FBXO24: variants seen among roughly 807,000 people sequenced by gnomAD.
The protein encoded by FBXO24 is F-box only protein 24.
A neutral mutation model predicts 63.5 loss-of-function variants in FBXO24; 30 were observed. That is an observed-to-expected ratio of 0.47 (90% CI 0.35 to 0.64). The LOEUF (loss-of-function observed/expected upper bound fraction) is 0.64. FBXO24 is among the 30% of genes least tolerant of loss of function. The probability of loss-of-function intolerance (pLI) is 0.00; values close to 1 mark genes in which losing one functional copy is unlikely to be tolerated. For synonymous variants in FBXO24, 300 were observed against 305.0 expected (o/e 0.98, Z 0.17); for missense variants, 624 against 763.4 (o/e 0.82, Z 2.15).
intron 8 of FBXO24, chr7:100,599,766 C>T: frequency 2.2e-6 from 1 of 460,654 alleles, no homozygotes; most frequent in East Asian, 4.4e-5. Context: ...AGGGGTACAC[C>T]ACAGCAGGCC....
chr7:100,586,515 A>G lies in FBXO24; in HGVS notation c.-111A>G. On this transcript the variant is annotated 5_prime_UTR_variant, in exon 1 of 10. Coordinates refer to ENST00000241071, the MANE Select transcript of FBXO24 (RefSeq NM_033506.3). The stretch of plus-strand genomic sequence containing the variant: ...GGTGCCTAGTCCTCGTCCCCCAAAG[A>G]CCAATCGTAAGCCAGATACAGGCGA... 1.7e-6 allele frequency: 2 copies of G among 1,174,514 alleles called. No homozygotes were observed. Among genetic ancestry groups the G allele is most frequent in the Middle Eastern group, 1.9e-4 (1 of 5,162 alleles). 72.8% of individuals were successfully genotyped at this position (1,174,514 alleles called of 1,614,324 possible). A position where few individuals can be genotyped will look rare whatever the true frequency, so the allele number is the denominator to read the frequency against.
chr7:100,589,952 A>G (rs780442526), intron 1 of FBXO24, 25 bp from the exon 2 acceptor site: 1 of 1,604,514 alleles, frequency 6.2e-7, no homozygotes, highest in Non-Finnish European at 8.5e-7. Flanking sequence ...CCCTCATGGG[A>G]CCCTATGCAC....
Position 100,600,510 on chromosome 7 carries a change from G to A in FBXO24, c.1378-24G>A. On this transcript the variant is annotated intron_variant, in intron 9 of 9. Coordinates refer to ENST00000241071, the MANE Select transcript of FBXO24 (RefSeq NM_033506.3). This position sits in a 1 kb window ranked among gnomAD's most constrained non-coding sequence, Gnocchi z 6.3. ...TGCAAGGAAAGCACCACTCAGCCAT[G>A]CCCCCTTTCTCTCCTCCTCCAAGGT... is the stretch of plus-strand genomic sequence containing the variant. 6.5e-7 allele frequency: 1 copy of A among 1,530,370 alleles called. No homozygotes were observed. Among genetic ancestry groups the A allele is most frequent in the South Asian group, 1.3e-5 (1 of 76,814 alleles). The allele number at this position is 1,530,370 out of a possible 1,614,324, so 94.8% of individuals were successfully genotyped here.
intron 8 of FBXO24, among the ~76,000 whole-genome samples, chr7:100,598,422 C>A (rs931025920): frequency 1.3e-5 from 2 of 152,104 alleles, no homozygotes; most frequent in African/African-American, 4.8e-5. Flanking sequence ...GGGCAGAAGA[C>A]GCCCTGGGAT....
intron 7 of FBXO24, 140 bp downstream of exon 7, chr7:100,595,363 G>A: frequency 6.8e-7 from 1 of 1,479,544 alleles, no homozygotes; most frequent in Non-Finnish European, 9.1e-7. Flanking sequence ...AGATCAGCTG[G>A]GGGCTCGGTG....
Position 100,586,535 on chromosome 7 carries a change from A to C in FBXO24, c.-91A>C. On this transcript the variant is annotated 5_prime_UTR_variant, in exon 1 of 10. Transcript: ENST00000241071. ...CAAAGACCAATCGTAAGCCAGATAC[A>C]GGCGAGTGACTGTCAAGAAGGCCAA... 7.4e-7 allele frequency: 1 copy of C among 1,348,120 alleles called. No homozygotes were observed. Among genetic ancestry groups the C allele is most frequent in the Non-Finnish European group, 1.1e-6 (1 of 942,222 alleles). 83.5% of individuals were successfully genotyped at this position (1,348,120 alleles called of 1,614,324 possible).
At position 100,586,385 on chromosome 7, in the gene FBXO24, A is replaced by G. The variant is rs1415760021; in HGVS notation, c.-241A>G. On this transcript the variant is annotated 5_prime_UTR_variant, in exon 1 of 10. Transcript: ENST00000241071. ...GTCCCGCCCAGCGCAGCTGCACCCA[A>G]TCACAATGCTCAGATCGGGAGGTGG... 1.1e-5 allele frequency: 7 copies of G among 628,944 alleles called. No homozygotes were observed. The highest frequency in any genetic ancestry group is 2.9e-5 in the Admixed American group (1 of 34,518). 39.0% of individuals were successfully genotyped at this position (628,944 alleles called of 1,614,324 possible). A position where few individuals can be genotyped will look rare whatever the true frequency, so the allele number is the denominator to read the frequency against.
In FBXO24 at chr7:100,595,140, G is replaced by C. The variant is rs757317206; in HGVS notation, c.991G>C (p.Val331Leu). 11 of 1,613,924 alleles carry C rather than the reference G, an allele frequency of 6.8e-6. No homozygotes were observed. The African/African-American group carries it at 1.5e-4, about 22-fold the overall frequency. Residue 331 changes from valine (V) to leucine (L), a missense_variant, in exon 7 of 10, where the codon GTG (valine) becomes CTG (leucine). Physicochemically the swap from Val to Leu is conservative, Grantham distance 32. Coordinates refer to ENST00000241071, the MANE Select transcript of FBXO24 (RefSeq NM_033506.3). Reference sequence around the variant, plus strand: ...GTATTTTGAGGTGCATACCCCAGGGGTGTATCGCGATCTCTTTGGGACCCT... The same window carrying C: ...GTATTTTGAGGTGCATACCCCAGGGCTGTATCGCGATCTCTTTGGGACCCT... ...GVYFEVHTPG[V>L]YRDLFGTLQA...
chr7:100,595,601 C>T lies in FBXO24; in HGVS notation c.1101C>T (p.Asn367=), dbSNP rs138846944. 1 of 1,611,904 alleles carries T rather than the reference C, an allele frequency of 6.2e-7. No individual in the cohort carries two copies. Among genetic ancestry groups the T allele is most frequent in the Admixed American group, 1.7e-5 (1 of 59,748 alleles). Residue 367 remains asparagine (N), a synonymous_variant, in exon 8 of 10, where the codon AAC becomes AAT. Coordinates refer to ENST00000241071, the MANE Select transcript of FBXO24 (RefSeq NM_033506.3). ...TCCTATTCTGTGCTCTTGGCTACAACCACCTTGGCCTGGTGGATGAATTTG... is the reference window on the plus strand; with the variant it reads ...TCCTATTCTGTGCTCTTGGCTACAATCACCTTGGCCTGGTGGATGAATTTG... ...AKILFCALGY[N]HLGLVDEFGR... is the part of the protein sequence containing the mutation.
Position 100,600,810 on chromosome 7 carries a change from CAGA to C in FBXO24, c.1657_1659del (p.Lys553del), listed in dbSNP as rs1802572832. 2 of 1,614,170 alleles carry C rather than the reference CAGA, an allele frequency of 1.2e-6. No homozygotes were observed. The highest frequency in any genetic ancestry group is 1.7e-6 in the Non-Finnish European group (2 of 1,180,014). ...AGGGTGGATGCCCCTGATGGCCGCACAGAAGGACTTCTTCTGGGAGGCCCTGGA... is the reference window on the plus strand; with the variant it reads ...AGGGTGGATGCCCCTGATGGCCGCACAGGACTTCTTCTGGGAGGCCCTGGA... On this transcript the variant is annotated inframe_deletion, in exon 10 of 10. Transcript: ENST00000241071. The surrounding 1 kb of genome is among the most constrained non-coding windows in gnomAD (Gnocchi z 6.3).
At chr7:100,592,671 C>T (rs999870150) in intron 4 of FBXO24, 112 bp from the exon 5 acceptor site, 4 of 796,066 alleles carry the variant, frequency 5.0e-6, no homozygotes, top group Non-Finnish European at 8.3e-6. Context: ...ATCAAGGGCT[C>T]ATTTCCCAAC....
chr7:100,597,356 CTT>C (rs2131275752), intron 8 of FBXO24, among the ~76,000 whole-genome samples: 1 of 152,122 alleles, frequency 6.6e-6, no homozygotes, highest in Admixed American at 6.5e-5. Context: ...GTGAAAAAGA[CTT>C]TTATGAAATG....
intron 8 of FBXO24, chr7:100,599,715 G>C (rs1194366776): frequency 3.2e-6 from 1 of 310,376 alleles, no homozygotes; most frequent in African/African-American, 2.2e-5. Flanking sequence ...TGGCAGGCAG[G>C]ATGAGAGGCT....
At chr7:100,588,953 G>C (rs749626879) in intron 1 of FBXO24, among the ~76,000 whole-genome samples, 19 of 152,044 alleles carry the variant, frequency 1.2e-4, no homozygotes, top group Non-Finnish European at 2.4e-4. Flanking sequence ...CTCCTGTGTA[G>C]CTGGGACTAC....
intron 3 of FBXO24, 83 bp downstream of exon 3, chr7:100,590,440 C>T (rs1333951444): frequency 9.2e-6 from 13 of 1,412,614 alleles, no homozygotes; most frequent in Non-Finnish European, 1.3e-5. Flanking sequence ...CTGATGACCC[C>T]CACACTCCCA....
chr7:100,595,198 C>T lies in FBXO24; in HGVS notation c.1049C>T (p.Pro350Leu), dbSNP rs747635431. The T allele has an allele frequency of 2.2e-5, 35 of 1,613,966 alleles. No individual in the cohort carries two copies. The highest frequency in any genetic ancestry group is 1.6e-4 in the Middle Eastern group (1 of 6,084). ...TTTGACCCCCTGGACCAGCAGATGC[C>T]GCTTGCTCTCTCACTGCCTGCCAAG... is the stretch of plus-strand genomic sequence containing the variant. Reference protein sequence around the residue: ...QAFDPLDQQMPLALSLPAKIL... With the variant: ...QAFDPLDQQMLLALSLPAKIL... Residue 350 changes from proline to leucine, a missense_variant, in exon 7 of 10, where the codon CCG (proline) becomes CTG (leucine). Transcript: ENST00000241071.
At position 100,600,763 on chromosome 7, in the gene FBXO24, C is replaced by G. The variant is rs11768465; in HGVS notation, c.1607C>G (p.Thr536Arg). Residue 536 changes from threonine (T) to arginine (R), a missense_variant, in exon 10 of 10, where the codon ACG (threonine) becomes AGG (arginine). Around this residue, in one of 3 missense-constraint regions of FBXO24, gnomAD observed 216 missense variants for 245.2 expected, o/e 0.88. Transcript: ENST00000241071. This position sits in a 1 kb window ranked among gnomAD's most constrained non-coding sequence, Gnocchi z 6.3. ...AGTTGCCAAACGTTGCAGGACCGCA[C>G]GGAGAAGATGAAGGAGATCGTAGGG... ...IHSCQTLQDR[T>R]EKMKEIVGWM... The G allele has an allele frequency of 6.2e-7, 1 of 1,613,974 alleles. No individual in the cohort carries two copies. Among genetic ancestry groups the G allele is most frequent in the Non-Finnish European group, 8.5e-7 (1 of 1,179,960 alleles).
In FBXO24 at chr7:100,590,071, A is replaced by G. The variant is rs1801933418; in HGVS notation, c.134A>G (p.Glu45Gly). ...ATTTCCATCCAGTTGTTCCCCCCAG[A>G]GCTGGTGAGTCCTTGGGGAGGGGGA... ...NPISIQLFPP[E>G]LVEHIISFLP... The change falls in exon 2 of 10, where the codon GAG becomes GGG. Residue 45 changes from glutamate (E) to glycine (G), a missense_variant. Glu to Gly is a moderately conservative substitution (Grantham distance 98, BLOSUM62 -2). Coordinates refer to ENST00000241071, the MANE Select transcript of FBXO24 (RefSeq NM_033506.3). 1 of 1,612,720 alleles carries G rather than the reference A, an allele frequency of 6.2e-7. No individual in the cohort carries two copies. The highest frequency in any genetic ancestry group is 1.3e-5 in the African/African-American group (1 of 74,740).
Position 100,600,147 on chromosome 7 carries a change from C to G in FBXO24, c.1323C>G (p.Gly441=), listed in dbSNP as rs779234454. Residue 441 remains glycine (G), a synonymous_variant, in exon 9 of 10, where the codon GGC becomes GGG. Transcript: ENST00000241071. This position sits in a 1 kb window ranked among gnomAD's most constrained non-coding sequence, Gnocchi z 6.3. ...ELLGCGCGAG[G]RLPGWPKGSA... ...TGGGCTGCGGCTGTGGGGCTGGGGGCCGCCTCCCAGGCTGGCCCAAGGGGA... is the reference window on the plus strand; with the variant it reads ...TGGGCTGCGGCTGTGGGGCTGGGGGGCGCCTCCCAGGCTGGCCCAAGGGGA... 7 of 1,592,974 alleles carry G rather than the reference C, an allele frequency of 4.4e-6. No individual in the cohort carries two copies. In the African/African-American group the frequency reaches 9.4e-5, roughly 21 times the overall value.
Sources: gnomAD v4.1 joint callset for allele counts (sites outside exome capture counted in the v4.1 genomes callset) on GRCh38, gnomAD v4.1.1 for gene constraint, gnomAD v4.1.1 regional missense constraint, Gnocchi (gnomAD v3.1) non-coding constraint, MANE v1.5 for transcripts, NCBI Gene and HGNC (gene_info 2026-07-23, HGNC 2026-07-21) for gene names.